F9: variants seen among roughly 807,000 people sequenced by gnomAD.
The protein encoded by F9 is coagulation factor IX, also known as Christmas factor.
Under a neutral mutation model 34.1 loss-of-function variants are expected in F9, and 2 were observed. The ratio of observed to expected loss-of-function variants is 0.06; its 90% CI spans 0.02 to 0.18. F9 has a LOEUF of 0.18. F9 is among the 10% of genes least tolerant of loss of function. The pLI, the probability that F9 is intolerant of heterozygous loss-of-function variation, is 1.00. For synonymous variants in F9, 137 were observed against 118.8 expected (o/e 1.15, Z -1.00); for missense variants, 216 against 345.1 (o/e 0.63, Z 2.96).
intron 6 of F9, among the ~76,000 whole-genome samples, chrX:139,557,595 A>G (rs965035745): frequency 9.0e-6 from 1 of 111,625 alleles, no homozygotes; most frequent in African/African-American, 3.3e-5. Flanking sequence ...GAGATGTCCA[A>G]TTTCCCCCCA....
At chrX:139,535,714 T>A (rs1927443734) in intron 1 of F9, among the ~76,000 whole-genome samples, 1 of 111,310 alleles carries the variant, frequency 9.0e-6, no homozygotes, top group Non-Finnish European at 1.9e-5. Flanking sequence ...ATTAATTTTA[T>A]ACATACACAC....
At chrX:139,531,347 T>C (rs1227054940) in intron 1 of F9, among the ~76,000 whole-genome samples, 1 of 112,386 alleles carries the variant, frequency 8.9e-6, no homozygotes, top group Non-Finnish European at 1.9e-5. Flanking sequence ...GGTGTGTCTC[T>C]AATTTTTTAA....
chrX:139,532,808 G>A (rs1480264445), intron 1 of F9, among the ~76,000 whole-genome samples: 3 of 112,212 alleles, frequency 2.7e-5, no homozygotes, highest in Admixed American at 9.5e-5. Context: ...TTGCAAGAAC[G>A]TGAGGTATTT....
chrX:139,548,175 T>C (rs1342933364), intron 4 of F9, among the ~76,000 whole-genome samples, 188 bp from the exon 5 acceptor site: 1 of 111,534 alleles, frequency 9.0e-6, no homozygotes, highest in African/African-American at 3.3e-5. Context: ...TATGCATTAT[T>C]GAGAAGTTTA....
intron 6 of F9, among the ~76,000 whole-genome samples, chrX:139,552,011 G>A (rs895219724): frequency 9.1e-6 from 1 of 109,568 alleles, no homozygotes; most frequent in Non-Finnish European, 1.9e-5. Flanking sequence ...GCAACACGGC[G>A]AAACCCCACC....
intron 5 of F9, 28 bp downstream of exon 5, chrX:139,548,519 G>GA (rs762203336): frequency 1.8e-5 from 21 of 1,192,055 alleles, no homozygotes; most frequent in Non-Finnish European, 2.3e-5. Flanking sequence ...ATTTTTTAAA[G>GA]AAAATCTGTA....
chrX:139,534,171 G>A (rs1927403670), intron 1 of F9, among the ~76,000 whole-genome samples: 1 of 111,898 alleles, frequency 8.9e-6, no homozygotes, highest in African/African-American at 3.2e-5. Flanking sequence ...AAGAGCTAAA[G>A]AGAATTGAGA....
chrX:139,549,135 A>G (rs926043948), intron 5 of F9, among the ~76,000 whole-genome samples: 1 of 112,116 alleles, frequency 8.9e-6, no homozygotes, highest in South Asian at 3.7e-4. Flanking sequence ...TGTTATCTAA[A>G]GATGAAAGCA....
intron 4 of F9, among the ~76,000 whole-genome samples, chrX:139,542,903 A>G (rs1455076061): frequency 5.4e-5 from 6 of 111,240 alleles, no homozygotes; most frequent in Admixed American, 3.9e-4. Flanking sequence ...TCTACAGTAT[A>G]TTGATCTGAC....
chrX:139,536,193 A>G (rs1240498845), intron 1 of F9, among the ~76,000 whole-genome samples: 1 of 106,343 alleles, frequency 9.4e-6, no homozygotes, highest in African/African-American at 3.4e-5. Flanking sequence ...ATGTGTACAT[A>G]TATGTATACA....
At chrX:139,536,200 T>C (rs760938539) in intron 1 of F9, among the ~76,000 whole-genome samples, 3 of 106,776 alleles carry the variant, frequency 2.8e-5, no homozygotes, top group East Asian at 5.9e-4. Flanking sequence ...CATATATGTA[T>C]ACATATATAC....
intron 1 of F9, among the ~76,000 whole-genome samples, chrX:139,536,125 TATATATATGATATG>T (rs1028180537): frequency 1.3e-4 from 14 of 107,323 alleles, no homozygotes; most frequent in African/African-American, 3.1e-4. Context: ...CTCATATATA[TATATATATGATATG>T]ATATATATGA....
At position 139,535,548 on chromosome X, in the gene F9, T is replaced by C. The variant is rs3117081; in HGVS notation, c.89-1462T>C. On this transcript the variant is annotated intron_variant, in intron 1 of 7. Coordinates refer to ENST00000218099, the MANE Select transcript of F9 (RefSeq NM_000133.4). Reference sequence around the variant, plus strand: ...CCGTTTCTTTCCTTTCCTTTTTACTTTCCTTTCTCTTCCTTTTTGGAGTTA... The same window carrying C: ...CCGTTTCTTTCCTTTCCTTTTTACTCTCCTTTCTCTTCCTTTTTGGAGTTA... Among the ~76,000 whole-genome samples, 512 of 111,234 alleles carry C rather than the reference T, an allele frequency of 4.6e-3. 5 individuals carry two copies. The highest frequency in any genetic ancestry group is 0.016 in the African/African-American group (490 of 30,605).
chrX:139,530,935 T>C (rs1927332517), intron 1 of F9, 83 bp downstream of exon 1: 3 of 852,135 alleles, frequency 3.5e-6, no homozygotes, highest in Admixed American at 4.5e-5. Flanking sequence ...TCACTAAATT[T>C]TGATTACATG....
At position 139,557,310 on chromosome X, in the gene F9, C is replaced by T. The variant is rs751962137; in HGVS notation, c.724-3431C>T. On this transcript the variant is annotated intron_variant, in intron 6 of 7. Transcript: ENST00000218099. ...ATATTTTGATAGCTATGATCCTGAA[C>T]GGCCAAACATTCCAAAACCAAGTAG... Among the ~76,000 whole-genome samples, 14 of 112,230 alleles carry T rather than the reference C, an allele frequency of 1.2e-4. No individual in the cohort carries two copies. In the South Asian group the frequency reaches 1.5e-3, roughly 12 times the overall value.
At chrX:139,560,234 T>C (rs370713) in intron 6 of F9, among the ~76,000 whole-genome samples, 20,853 of 111,347 alleles carry the variant, frequency 0.19, 1,518 homozygotes, top group Non-Finnish European at 0.21. Context: ...TCTTGCTTCA[T>C]AATATTCCAG....
Position 139,530,778 on chromosome X carries a change from A to T in F9, c.14A>T (p.Asn5Ile). Reference protein sequence around the residue: MQRVNMIMAESPGLI... With the variant: MQRVIMIMAESPGLI... Reference sequence around the variant, plus strand: ...CTAGCAAAGGTTATGCAGCGCGTGAACATGATCATGGCAGAATCACCAGGC... The same window carrying T: ...CTAGCAAAGGTTATGCAGCGCGTGATCATGATCATGGCAGAATCACCAGGC... Residue 5 changes from asparagine to isoleucine, a missense_variant, in exon 1 of 8, where the codon AAC becomes ATC. By Grantham distance (149) the Asn-to-Ile change is moderately radical (BLOSUM62 -3). Around this residue, in one of 2 missense-constraint regions of F9, gnomAD observed 39 missense variants for 33.3 expected, o/e 1.17. Transcript: ENST00000218099. 1 of 1,210,953 alleles carries T rather than the reference A, an allele frequency of 8.3e-7. No individual in the cohort carries two copies.
At chrX:139,536,220 T>C (rs1225264838) in intron 1 of F9, among the ~76,000 whole-genome samples, 2 of 105,181 alleles carry the variant, frequency 1.9e-5, no homozygotes, top group Admixed American at 2.1e-4. Flanking sequence ...CACACACATA[T>C]ATATGTACAC....
chrX:139,540,557 G>A (rs1272677199), intron 3 of F9, among the ~76,000 whole-genome samples: 1 of 111,666 alleles, frequency 9.0e-6, no homozygotes. Context: ...AAAGTTAAGT[G>A]ACAATACAAG....
Sources: allele counts gnomAD v4.1 joint callset (sites outside exome capture counted in the v4.1 genomes callset), GRCh38; gene constraint gnomAD v4.1.1; regional missense constraint gnomAD v4.1.1; transcripts MANE v1.5; gene names NCBI Gene and HGNC (gene_info 2026-07-23, HGNC 2026-07-21).